The following SLIT3 variants were observed in gnomAD, a reference collection of about 807,000 sequenced individuals.
SLIT3 encodes the protein slit guidance ligand 3, also known as slit homolog 3 protein.
A neutral mutation model predicts 184.0 loss-of-function variants in SLIT3; 68 were observed. The observed-to-expected ratio is 0.37, with a 90% CI of 0.30 to 0.45. SLIT3 has a LOEUF of 0.45. SLIT3 is among the 20% of genes least tolerant of loss of function. The probability of loss-of-function intolerance (pLI) is 1.00; values close to 1 mark genes in which losing one functional copy is unlikely to be tolerated. For synonymous variants in SLIT3, 831 were observed against 828.6 expected (o/e 1.00, Z -0.05); for missense variants, 1,707 against 2,026.0 (o/e 0.84, Z 3.02).
intron 7 of SLIT3, among the ~76,000 whole-genome samples, chr5:168,818,033 G>A (rs746410617): frequency 5.3e-5 from 8 of 152,076 alleles, no homozygotes; most frequent in Non-Finnish European, 1.2e-4. Context: ...TAGCTGGAGT[G>A]AGCAGGCTGC....
At chr5:168,773,004 C>A (rs1436155659) in intron 13 of SLIT3, 60 bp from the exon 14 acceptor site, 5 of 1,507,242 alleles carry the variant, frequency 3.3e-6, no homozygotes, top group South Asian at 1.3e-5. Flanking sequence ...TCCACCACCA[C>A]CACCCTGCCT....
rs866537141 is a variant in SLIT3 at position 168,835,557 on chromosome 5, C to T, written c.557+9027G>A. ...GGTGCGGTGACTCATGCCTGTAATCCCAGCGCTTTGGGAGGCCGAGGTGGG... is the reference window on the plus strand; with the variant it reads ...GGTGCGGTGACTCATGCCTGTAATCTCAGCGCTTTGGGAGGCCGAGGTGGG... On this transcript the variant is annotated intron_variant, in intron 6 of 35. Coordinates refer to ENST00000519560, the MANE Select transcript of SLIT3 (RefSeq NM_003062.4). Among the ~76,000 whole-genome samples, 24 of 151,462 alleles carry T rather than the reference C, an allele frequency of 1.6e-4. No homozygotes were observed. In the South Asian group the frequency reaches 2.1e-3, roughly 13 times the overall value.
At chr5:168,787,758 G>A (rs1360613170) in intron 11 of SLIT3, among the ~76,000 whole-genome samples, 1 of 152,078 alleles carries the variant, frequency 6.6e-6, no homozygotes, top group Non-Finnish European at 1.5e-5. Flanking sequence ...AGTCTAGCAC[G>A]ATAAATATTT....
chr5:169,264,370 A>G (rs1157869442), intron 1 of SLIT3, among the ~76,000 whole-genome samples: 1 of 152,126 alleles, frequency 6.6e-6, no homozygotes, highest in African/African-American at 2.4e-5. Context: ...ATTTTAGTAG[A>G]GATAGGGTTT....
At chr5:169,237,320 C>T (rs11747942) in intron 3 of SLIT3, among the ~76,000 whole-genome samples, 1 of 152,236 alleles carries the variant, frequency 6.6e-6, no homozygotes, top group East Asian at 1.9e-4. Flanking sequence ...CATAGTGTCA[C>T]GTATCCACCA....
At chr5:169,140,121 CGGT>C in intron 4 of SLIT3, among the ~76,000 whole-genome samples, 1 of 151,852 alleles carries the variant, frequency 6.6e-6, no homozygotes, top group Non-Finnish European at 1.5e-5. Context: ...AAAGTCCTGA[CGGT>C]GGGCAAGTGG....
At chr5:168,822,246 T>C (rs761284601) in intron 7 of SLIT3, among the ~76,000 whole-genome samples, 6 of 152,210 alleles carry the variant, frequency 3.9e-5, no homozygotes, top group Non-Finnish European at 1.5e-5. Context: ...GATCGTGTGA[T>C]AATAATGTAA....
chr5:169,126,183 G>A (rs1761072905), intron 4 of SLIT3, among the ~76,000 whole-genome samples: 1 of 152,194 alleles, frequency 6.6e-6, no homozygotes, highest in African/African-American at 2.4e-5. Flanking sequence ...TTCCTTTGCA[G>A]GATCCTTTGA....
chr5:168,980,969 TAC>T (rs1754926703), intron 4 of SLIT3, among the ~76,000 whole-genome samples: 1 of 152,170 alleles, frequency 6.6e-6, no homozygotes, highest in African/African-American at 2.4e-5. Flanking sequence ...TACAATGAAA[TAC>T]CATGAAGCTA....
intron 4 of SLIT3, among the ~76,000 whole-genome samples, chr5:168,972,337 A>ATGTGTGTGTGTGTGTGTGTGTGTG (rs60588036): frequency 0.054 from 6,389 of 117,944 alleles, 429 homozygotes; most frequent in African/African-American, 0.067. Flanking sequence ...GCAGGACAAC[A>ATGTGTGTGTGTGTGTGTGTGTGTG]TGTGTGTGTG....
At chr5:169,167,571 C>A (rs139052699) in intron 4 of SLIT3, among the ~76,000 whole-genome samples, 16 of 152,054 alleles carry the variant, frequency 1.1e-4, no homozygotes, top group Admixed American at 2.6e-4. Flanking sequence ...CCACCGCGCC[C>A]GGCCTCTAAG....
chr5:169,095,866 ATT>A (rs928006754), intron 4 of SLIT3, among the ~76,000 whole-genome samples: 25 of 152,338 alleles, frequency 1.6e-4, no homozygotes, highest in East Asian at 5.8e-4. Flanking sequence ...AGTATCTTAC[ATT>A]TTACAAACAA....
intron 12 of SLIT3, among the ~76,000 whole-genome samples, chr5:168,783,427 G>C (rs1036573876): frequency 6.6e-6 from 1 of 151,928 alleles, no homozygotes; most frequent in African/African-American, 2.4e-5. Context: ...AGGAGTGGGG[G>C]AAGATGGGAG....
At chr5:168,988,305 T>C (rs956342016) in intron 4 of SLIT3, among the ~76,000 whole-genome samples, 1 of 152,188 alleles carries the variant, frequency 6.6e-6, no homozygotes, top group Non-Finnish European at 1.5e-5. Context: ...TCCCTTTTTT[T>C]CCCATGGAAA....
chr5:169,010,334 T>C (rs1012179900), intron 4 of SLIT3, among the ~76,000 whole-genome samples: 53 of 152,250 alleles, frequency 3.5e-4, no homozygotes, highest in African/African-American at 1.3e-3. Flanking sequence ...ATTTTAATGT[T>C]GCCCAAGTCC....
chr5:168,980,219 C>A (rs183099070), intron 4 of SLIT3, among the ~76,000 whole-genome samples: 1 of 152,132 alleles, frequency 6.6e-6, no homozygotes, highest in Admixed American at 6.6e-5. Flanking sequence ...CCAGCCCCCA[C>A]GCCCTCTCCT....
At chr5:169,200,660 G>A (rs1471291232) in intron 3 of SLIT3, among the ~76,000 whole-genome samples, 1 of 152,068 alleles carries the variant, frequency 6.6e-6, no homozygotes, top group African/African-American at 2.4e-5. Flanking sequence ...ATAAATCGGG[G>A]GCAAAAAACT....
At chr5:169,016,443 T>A (rs567613502) in intron 4 of SLIT3, among the ~76,000 whole-genome samples, 221 of 152,244 alleles carry the variant, frequency 1.5e-3, no homozygotes, top group African/African-American at 5.0e-3. Context: ...CCAGAAAGCC[T>A]TCCTAGGAAT....
Position 169,051,940 on chromosome 5 carries a change from A to T in SLIT3, c.413+141539T>A, listed in dbSNP as rs535433956. Among the ~76,000 whole-genome samples the T allele has an allele frequency of 7.9e-5, 12 of 152,280 alleles. No individual in the cohort carries two copies. In the South Asian group the frequency reaches 2.5e-3, roughly 32 times the overall value. On this transcript the variant is annotated intron_variant, in intron 4 of 35. Coordinates refer to ENST00000519560, the MANE Select transcript of SLIT3 (RefSeq NM_003062.4). ...CCCAAACCAACCTACAGAATCCATC[A>T]TCTGCAACCCAGGTCTTCCCAGAGG...
Sources: gnomAD v4.1 joint callset for allele counts (sites outside exome capture counted in the v4.1 genomes callset) on GRCh38, gnomAD v4.1.1 for gene constraint, MANE v1.5 for transcripts, NCBI Gene and HGNC (gene_info 2026-07-23, HGNC 2026-07-21) for gene names.